Variants in RALGPS1 observed in about 807,000 individuals in gnomAD.
RALGPS1 encodes ras-specific guanine nucleotide-releasing factor RalGPS1.
RALGPS1 carries 19 observed loss-of-function variants against 78.8 expected under a neutral mutation model. The observed-to-expected ratio is 0.24, with a 90% CI of 0.17 to 0.35. The LOEUF (loss-of-function observed/expected upper bound fraction) is 0.35, where lower values mean the gene tolerates loss of function less well. RALGPS1 is among the 10% of genes least tolerant of loss of function. The pLI, the probability that RALGPS1 is intolerant of heterozygous loss-of-function variation, is 1.00. For synonymous variants in RALGPS1, 228 were observed against 256.3 expected (o/e 0.89, Z 1.06); for missense variants, 454 against 688.3 (o/e 0.66, Z 3.81).
At chr9:126,938,316 G>C (rs1403277969) in intron 1 of RALGPS1, among the ~76,000 whole-genome samples, 3 of 152,192 alleles carry the variant, frequency 2.0e-5, no homozygotes, top group East Asian at 1.9e-4. Flanking sequence ...CTCCCTCTCT[G>C]ATGCTTGCTT....
At chr9:127,048,704 A>C (rs1192435219) in intron 5 of RALGPS1, among the ~76,000 whole-genome samples, 1 of 152,254 alleles carries the variant, frequency 6.6e-6, no homozygotes, top group African/African-American at 2.4e-5. Context: ...GAGTGTGATA[A>C]TATGCCATAA....
At chr9:127,120,564 C>G (rs1319579428) in intron 8 of RALGPS1, among the ~76,000 whole-genome samples, 1 of 152,236 alleles carries the variant, frequency 6.6e-6, no homozygotes, top group Non-Finnish European at 1.5e-5. Context: ...TGGCTCACGC[C>G]TGCAATCCCA....
chr9:127,073,464 GTC>G (rs1261076087), intron 8 of RALGPS1, among the ~76,000 whole-genome samples: 1,587 of 138,558 alleles, frequency 0.011, 25 homozygotes, highest in African/African-American at 0.048. Flanking sequence ...GTGTGTGTGT[GTC>G]TGTGTGTGTG....
chr9:127,004,898 T>G (rs1450817684), intron 4 of RALGPS1, among the ~76,000 whole-genome samples: 1 of 152,112 alleles, frequency 6.6e-6, no homozygotes, highest in Non-Finnish European at 1.5e-5. Context: ...AGTCTGGAAA[T>G]TTTTGAAAAC....
rs939002726 is a variant in RALGPS1 at position 127,205,272 on chromosome 9, G to A, written c.1247+6206G>A. On this transcript the variant is annotated intron_variant, in intron 14 of 18. Coordinates refer to ENST00000259351, the MANE Select transcript of RALGPS1 (RefSeq NM_014636.3). This position sits in a 1 kb window ranked among gnomAD's most constrained non-coding sequence, Gnocchi z 4.0. ...CTCTTCAGGTCCCAGGCCCCCCGTCGAGGGATCACTAGGGTTCTCTTCACC... is the reference window on the plus strand; with the variant it reads ...CTCTTCAGGTCCCAGGCCCCCCGTCAAGGGATCACTAGGGTTCTCTTCACC... Among the ~76,000 whole-genome samples, 8 of 152,204 alleles carry A rather than the reference G, an allele frequency of 5.3e-5. No homozygotes were observed. The East Asian group carries it at 5.8e-4, about 11-fold the overall frequency.
chr9:127,196,767 G>A, intron 13 of RALGPS1, 136 bp downstream of exon 13: 2 of 1,045,554 alleles, frequency 1.9e-6, no homozygotes, highest in Non-Finnish European at 2.7e-6. Flanking sequence ...TCACCTCCCT[G>A]CAGAGGTGGC....
chr9:127,030,111 C>A (rs1317121123), intron 4 of RALGPS1, among the ~76,000 whole-genome samples: 1 of 152,134 alleles, frequency 6.6e-6, no homozygotes, highest in Non-Finnish European at 1.5e-5. Context: ...GGCAGCTGGT[C>A]AGATACCCCT....
At chr9:126,992,679 T>C (rs2042385087) in intron 4 of RALGPS1, among the ~76,000 whole-genome samples, 1 of 152,358 alleles carries the variant, frequency 6.6e-6, no homozygotes. Context: ...TAAGGACTCA[T>C]AACACAGTAT....
chr9:127,062,504 T>C (rs2049310945), intron 7 of RALGPS1, among the ~76,000 whole-genome samples: 1 of 152,174 alleles, frequency 6.6e-6, no homozygotes. Context: ...CAGTAAGATA[T>C]TACAACCGTA....
intron 4 of RALGPS1, chr9:126,989,775 A>T (rs1027157459): frequency 7.2e-7 from 1 of 1,395,492 alleles, no homozygotes; most frequent in Admixed American, 2.7e-5. Flanking sequence ...TAAAATACAT[A>T]TTCCTGTGGG....
In RALGPS1 at chr9:127,155,362, C is replaced by T. The variant is rs145200350; in HGVS notation, c.611-10707C>T. On this transcript the variant is annotated intron_variant, in intron 8 of 18. Transcript: ENST00000259351. ...TAATCGAGGAAAGGACAGTGTGCTG[C>T]GAGCCCAGGAGGAGCCAGTTAGCAG... is the stretch of plus-strand genomic sequence containing the variant. Among the ~76,000 whole-genome samples, 582 of 152,220 alleles carry T rather than the reference C, an allele frequency of 3.8e-3. 2 individuals are homozygous for T. The highest frequency in any genetic ancestry group is 0.013 in the African/African-American group (541 of 41,542).
chr9:127,181,816 C>T (rs189620041), intron 11 of RALGPS1, among the ~76,000 whole-genome samples: 82 of 152,044 alleles, frequency 5.4e-4, no homozygotes, highest in Admixed American at 1.4e-3. Flanking sequence ...ATATGAGCCA[C>T]ATCCAGGCAA....
intron 8 of RALGPS1, among the ~76,000 whole-genome samples, chr9:127,149,585 G>A (rs1396174749): frequency 6.6e-6 from 1 of 152,254 alleles, no homozygotes; most frequent in Non-Finnish European, 1.5e-5. Flanking sequence ...CAAGGCCTGT[G>A]TGCCTACCCT....
At chr9:127,168,034 G>A (rs1236676485) in intron 9 of RALGPS1, among the ~76,000 whole-genome samples, 1 of 152,236 alleles carries the variant, frequency 6.6e-6, no homozygotes, top group Non-Finnish European at 1.5e-5. Flanking sequence ...TTCTTCCTCT[G>A]TGCAATGGGG....
chr9:127,216,102 CCCT>C (rs1345806411), intron 18 of RALGPS1: 4 of 152,206 alleles, frequency 2.6e-5, no homozygotes, highest in African/African-American at 9.7e-5. Context: ...ACTTCCTGGT[CCCT>C]CCAAGTGGTT....
At chr9:127,073,043 G>C (rs2050339629) in intron 8 of RALGPS1, among the ~76,000 whole-genome samples, 1 of 152,080 alleles carries the variant, frequency 6.6e-6, no homozygotes, top group Non-Finnish European at 1.5e-5. Flanking sequence ...GGGTATTTGG[G>C]GGTATCCAGC....
At chr9:127,170,333 C>G (rs1044514082) in intron 10 of RALGPS1, among the ~76,000 whole-genome samples, 1 of 152,140 alleles carries the variant, frequency 6.6e-6, no homozygotes, top group African/African-American at 2.4e-5. Context: ...GGGGTGGGGC[C>G]TGAAAAATCT....
intron 1 of RALGPS1, among the ~76,000 whole-genome samples, chr9:126,921,001 T>C (rs1035521668): frequency 2.0e-5 from 3 of 152,196 alleles, no homozygotes; most frequent in Non-Finnish European, 4.4e-5. Context: ...GGGATAGCAG[T>C]TTTACCTAAC....
chr9:126,918,672 G>A (rs1326848330), intron 1 of RALGPS1, among the ~76,000 whole-genome samples: 2 of 142,060 alleles, frequency 1.4e-5, no homozygotes, highest in African/African-American at 5.0e-5. Flanking sequence ...ATCACACATG[G>A]ATTTTTTTTT....
Sources: gnomAD v4.1 joint callset for allele counts (sites outside exome capture counted in the v4.1 genomes callset) on GRCh38, gnomAD v4.1.1 for gene constraint, Gnocchi (gnomAD v3.1) non-coding constraint, MANE v1.5 for transcripts, NCBI Gene and HGNC (gene_info 2026-07-23, HGNC 2026-07-21) for gene names.